Variants in NRXN1 observed in about 807,000 individuals in gnomAD.
The protein encoded by NRXN1 is neurexin 1, also known as neurexin-1.
A neutral mutation model predicts 150.9 loss-of-function variants in NRXN1; 39 were observed. The observed-to-expected ratio is 0.26, with a 90% CI of 0.20 to 0.34. The LOEUF (loss-of-function observed/expected upper bound fraction) is 0.34, where lower values mean the gene tolerates loss of function less well. Among genes scored for constraint, NRXN1 ranks in the 10% least tolerant of loss-of-function variants. The pLI is 1.00. For synonymous variants in NRXN1, 924 were observed against 757.0 expected, an observed-to-expected ratio of 1.22 and a Z score of -3.62; for missense variants, 1,815 against 1,949.9, an observed-to-expected ratio of 0.93 and a Z score of 1.30.
intron 2 of NRXN1, among the ~76,000 whole-genome samples, chr2:51,025,859 C>G (rs1670362318): frequency 6.6e-6 from 1 of 152,064 alleles, no homozygotes; most frequent in Middle Eastern, 3.2e-3. Flanking sequence ...CTGTATAGGC[C>G]ATGGAATACA....
chr2:50,408,360 C>A (rs1313994805), intron 17 of NRXN1, among the ~76,000 whole-genome samples: 1 of 152,204 alleles, frequency 6.6e-6, no homozygotes, highest in Non-Finnish European at 1.5e-5. Flanking sequence ...GTTCTCACTA[C>A]AACTCTAGGC....
intron 8 of NRXN1, among the ~76,000 whole-genome samples, chr2:50,573,668 T>C (rs1180438147): frequency 6.6e-6 from 1 of 151,716 alleles, no homozygotes; most frequent in Non-Finnish European, 1.5e-5. Flanking sequence ...ACCTGAGTAG[T>C]TTCAAAATAT....
At chr2:50,088,685 A>G (rs1699143292) in intron 19 of NRXN1, among the ~76,000 whole-genome samples, 1 of 152,210 alleles carries the variant, frequency 6.6e-6, no homozygotes, top group African/African-American at 2.4e-5. Flanking sequence ...CTTATTCTGA[A>G]CAATTATTTA....
At chr2:50,387,789 G>A (rs1036431005) in intron 17 of NRXN1, among the ~76,000 whole-genome samples, 5 of 152,064 alleles carry the variant, frequency 3.3e-5, no homozygotes, top group African/African-American at 9.7e-5. Flanking sequence ...TTAAACACTC[G>A]ATTACTTTTA....
At chr2:50,183,401 G>C (rs1460526593) in intron 18 of NRXN1, among the ~76,000 whole-genome samples, 3 of 151,764 alleles carry the variant, frequency 2.0e-5, no homozygotes, top group African/African-American at 4.8e-5. Flanking sequence ...AGAGACAGCT[G>C]TTTCTGAATG....
intron 17 of NRXN1, among the ~76,000 whole-genome samples, chr2:50,423,204 T>G (rs959675065): frequency 2.0e-5 from 3 of 152,320 alleles, no homozygotes; most frequent in Admixed American, 6.5e-5. Flanking sequence ...ATCAAACCTG[T>G]GGTTCTTTCA....
intron 21 of NRXN1, among the ~76,000 whole-genome samples, chr2:50,036,953 G>A (rs1690131763): frequency 6.6e-6 from 1 of 152,088 alleles, no homozygotes; most frequent in South Asian, 2.1e-4. Flanking sequence ...ACCTACTGAA[G>A]CCCAGTCCAA....
intron 5 of NRXN1, among the ~76,000 whole-genome samples, chr2:50,881,621 G>T (rs1679443631): frequency 6.6e-6 from 1 of 151,842 alleles, no homozygotes; most frequent in Non-Finnish European, 1.5e-5. Context: ...TATGGAAAGT[G>T]AGGTCTAGAC....
intron 5 of NRXN1, among the ~76,000 whole-genome samples, chr2:50,690,084 A>G (rs1184619544): frequency 2.0e-5 from 3 of 152,054 alleles, no homozygotes; most frequent in African/African-American, 7.2e-5. Flanking sequence ...AGAAAGTTTC[A>G]TCATGTTAGC....
chr2:50,926,031 G>T (rs2104334695), intron 2 of NRXN1, 76 bp from the exon 3 acceptor site: 2 of 1,174,178 alleles, frequency 1.7e-6, no homozygotes, highest in Non-Finnish European at 2.5e-6. Context: ...CCTTGCCTTT[G>T]CATGTCTTCC....
intron 17 of NRXN1, among the ~76,000 whole-genome samples, chr2:50,390,534 C>G (rs1318843018): frequency 6.6e-6 from 1 of 152,020 alleles, no homozygotes; most frequent in African/African-American, 2.4e-5. Flanking sequence ...GACAGGAGAC[C>G]TTGGTAAGTG....
chr2:50,264,745 C>G (rs987672223), intron 17 of NRXN1, among the ~76,000 whole-genome samples: 5 of 151,896 alleles, frequency 3.3e-5, no homozygotes. Context: ...TCTGTACACA[C>G]GGCAGGAAGA....
intron 21 of NRXN1, among the ~76,000 whole-genome samples, chr2:49,960,198 T>C (rs1675688538): frequency 6.6e-6 from 1 of 152,196 alleles, no homozygotes; most frequent in Non-Finnish European, 1.5e-5. Flanking sequence ...CTTTCAAGCA[T>C]TCAACTGAGT....
At chr2:50,145,110 G>T (rs1331988134) in intron 18 of NRXN1, among the ~76,000 whole-genome samples, 1 of 151,496 alleles carries the variant, frequency 6.6e-6, no homozygotes, top group African/African-American at 2.4e-5. Flanking sequence ...CATATTTTTA[G>T]TATTTACTGT....
chr2:50,303,640 A>G (rs1277526660), intron 17 of NRXN1, among the ~76,000 whole-genome samples: 5 of 152,192 alleles, frequency 3.3e-5, no homozygotes, highest in Admixed American at 1.3e-4. Flanking sequence ...GCATGTAAAT[A>G]ATGAAATATT....
intron 5 of NRXN1, among the ~76,000 whole-genome samples, chr2:50,714,701 T>G (rs1217501272): frequency 6.6e-6 from 1 of 152,162 alleles, no homozygotes; most frequent in Non-Finnish European, 1.5e-5. Flanking sequence ...TTCTGACGTG[T>G]GCTAAATTGT....
intron 5 of NRXN1, among the ~76,000 whole-genome samples, chr2:50,824,303 T>A (rs943603914): frequency 6.9e-6 from 1 of 145,726 alleles, no homozygotes; most frequent in Non-Finnish European, 1.5e-5. Flanking sequence ...ACCCTTTGAG[T>A]GTGTGTGTGT....
At chr2:50,650,258 T>C (rs858955) in intron 5 of NRXN1, among the ~76,000 whole-genome samples, 17,241 of 152,072 alleles carry the variant, frequency 0.11, 1,079 homozygotes, top group Middle Eastern at 0.19. Context: ...TCTTGCTTTT[T>C]ACTGCCTTTA....
intron 21 of NRXN1, among the ~76,000 whole-genome samples, chr2:50,037,006 T>C (rs1302425372): frequency 6.6e-6 from 1 of 152,148 alleles, no homozygotes; most frequent in Admixed American, 6.6e-5. Flanking sequence ...AAGGCTGCCA[T>C]TTTAAGCAAC....
Sources: allele counts gnomAD v4.1 joint callset (sites outside exome capture counted in the v4.1 genomes callset), GRCh38; gene constraint gnomAD v4.1.1; transcripts MANE v1.5; gene names NCBI Gene and HGNC (gene_info 2026-07-23, HGNC 2026-07-21).